Variants in SLC36A1 observed in about 807,000 individuals in gnomAD.
SLC36A1 encodes proton-coupled amino acid transporter 1.
A neutral mutation model predicts 47.5 loss-of-function variants in SLC36A1; 30 were observed. The observed-to-expected ratio is 0.63, with a 90% CI of 0.47 to 0.86. The LOEUF is 0.86. Among genes scored for constraint, SLC36A1 ranks in the 40% least tolerant of loss-of-function variants. The pLI is 0.00. For synonymous variants in SLC36A1, 255 were observed against 249.7 expected (o/e 1.02, Z -0.20); for missense variants, 517 against 606.0 (o/e 0.85, Z 1.54).
At chr5:151,389,094 T>A in the SLC36A1 span, among the ~76,000 whole-genome samples, 1 of 152,218 alleles carries the variant, frequency 6.6e-6, no homozygotes, top group African/African-American at 2.4e-5. Context: ...AACTTGAGCC[T>A]GGGATTCAAA....
chr5:151,376,499 G>A, the SLC36A1 span, among the ~76,000 whole-genome samples: 1 of 152,040 alleles, frequency 6.6e-6, no homozygotes, highest in Non-Finnish European at 1.5e-5. Context: ...GTTCCCAGAG[G>A]TGTGATAATA....
At chr5:151,538,012 A>G in the SLC36A1 span, 67 of 1,464,540 alleles carry the variant, frequency 4.6e-5, no homozygotes, top group Non-Finnish European at 6.1e-5. Flanking sequence ...AGAGAAGCAG[A>G]GTGACTGACT....
the SLC36A1 span, among the ~76,000 whole-genome samples, chr5:151,536,813 C>A: frequency 2.0e-5 from 3 of 152,234 alleles, no homozygotes; most frequent in African/African-American, 7.2e-5. Context: ...ATGACACTCA[C>A]CTGCCTAAAT....
intron 7 of SLC36A1, among the ~76,000 whole-genome samples, chr5:151,472,397 C>G (rs1000279780): frequency 6.6e-6 from 1 of 152,248 alleles, no homozygotes; most frequent in African/African-American, 2.4e-5. Context: ...TCTGCCTTTC[C>G]CAGTCCACTG....
At chr5:151,354,924 G>C in the SLC36A1 span, among the ~76,000 whole-genome samples, 1 of 152,168 alleles carries the variant, frequency 6.6e-6, no homozygotes, top group Non-Finnish European at 1.5e-5. Flanking sequence ...AAGGAGGCTA[G>C]ATGCTGGGCA....
the SLC36A1 span, among the ~76,000 whole-genome samples, chr5:151,409,623 A>G: frequency 6.6e-6 from 1 of 152,190 alleles, no homozygotes; most frequent in Non-Finnish European, 1.5e-5. Flanking sequence ...CTTGTCAGGA[A>G]TGCAGAATCT....
At chr5:151,505,826 C>T in the SLC36A1 span, 1 of 1,613,370 alleles carries the variant, frequency 6.2e-7, no homozygotes, top group Non-Finnish European at 8.5e-7. Flanking sequence ...AGGGGGCAAC[C>T]AGGCGCTCCC....
chr5:151,537,008 T>G, the SLC36A1 span, among the ~76,000 whole-genome samples: 22 of 152,320 alleles, frequency 1.4e-4, no homozygotes, highest in African/African-American at 5.3e-4. Flanking sequence ...CCCCACTCTC[T>G]TACCCCTGGC....
chr5:151,436,545 A>G (rs560225491), upstream of SLC36A1, among the ~76,000 whole-genome samples: 13 of 151,962 alleles, frequency 8.6e-5, no homozygotes, highest in African/African-American at 3.1e-4. Context: ...CTTAGGGTCT[A>G]TGTGAGTGGT....
At chr5:151,468,293 ATTT>A (rs770748144) in intron 7 of SLC36A1, among the ~76,000 whole-genome samples, 9,593 of 79,710 alleles carry the variant, frequency 0.12, 977 homozygotes, top group Non-Finnish European at 0.16. Context: ...ATATATATAT[ATTT>A]TATATATATA....
the SLC36A1 span, among the ~76,000 whole-genome samples, chr5:151,502,083 G>A: frequency 4.7e-5 from 7 of 147,964 alleles, no homozygotes; most frequent in Non-Finnish European, 1.0e-4. Context: ...ATGCGGAGGC[G>A]GGTGGATCAC....
the SLC36A1 span, among the ~76,000 whole-genome samples, chr5:151,398,300 T>C: frequency 6.6e-6 from 1 of 152,174 alleles, no homozygotes; most frequent in Admixed American, 6.5e-5. Flanking sequence ...CAAGCTGGTG[T>C]CTTTGCAGGA....
chr5:151,423,454 A>G, the SLC36A1 span, among the ~76,000 whole-genome samples: 4 of 152,386 alleles, frequency 2.6e-5, no homozygotes, highest in Middle Eastern at 3.4e-3. Context: ...ATTATTTAGC[A>G]CTAAGAAGAA....
the SLC36A1 span, among the ~76,000 whole-genome samples, chr5:151,377,260 C>T: frequency 3.3e-5 from 5 of 150,294 alleles, no homozygotes; most frequent in African/African-American, 1.2e-4. Flanking sequence ...TCTAGTGTTT[C>T]TTTGTTGATT....
At chr5:151,398,599 C>T in the SLC36A1 span, among the ~76,000 whole-genome samples, 1 of 152,166 alleles carries the variant, frequency 6.6e-6, no homozygotes, top group Non-Finnish European at 1.5e-5. Context: ...TTATTCCAGC[C>T]CCAGCTGTTC....
the SLC36A1 span, chr5:151,549,536 C>G: frequency 6.2e-7 from 1 of 1,601,042 alleles, no homozygotes; most frequent in Non-Finnish European, 8.6e-7. Flanking sequence ...ATTGGGTAAG[C>G]AGCAAATGGA....
At chr5:151,392,943 T>C in the SLC36A1 span, among the ~76,000 whole-genome samples, 4 of 152,110 alleles carry the variant, frequency 2.6e-5, no homozygotes, top group Admixed American at 1.3e-4. Context: ...CTGAGTTCAA[T>C]TCCTGGATAT....
chr5:151,483,805 G>T (rs1321563957), intron 10 of SLC36A1, among the ~76,000 whole-genome samples: 1 of 152,162 alleles, frequency 6.6e-6, no homozygotes, highest in Non-Finnish European at 1.5e-5. Context: ...CTTTGTGTTA[G>T]TGGGAGGCTC....
chr5:151,493,624 TCTGA>T (rs558677323), downstream of SLC36A1, among the ~76,000 whole-genome samples: 13 of 152,354 alleles, frequency 8.5e-5, no homozygotes, highest in South Asian at 2.1e-3. Context: ...GGGCATGTAG[TCTGA>T]CTATTTTCGT....
Sources: allele counts gnomAD v4.1 joint callset (sites outside exome capture counted in the v4.1 genomes callset), GRCh38; gene constraint gnomAD v4.1.1; transcripts MANE v1.5; gene names NCBI Gene and HGNC (gene_info 2026-07-23, HGNC 2026-07-21).